FN1: variants seen among roughly 807,000 people sequenced by gnomAD.
The protein encoded by FN1 is fibronectin.
FN1 carries 106 observed loss-of-function variants against 297.3 expected under a neutral mutation model. The observed-to-expected ratio is 0.36, with a 90% CI of 0.30 to 0.42. The LOEUF (loss-of-function observed/expected upper bound fraction) is 0.42, where lower values mean the gene tolerates loss of function less well. Ranked by LOEUF, FN1 falls within the 10% of genes least tolerant of loss-of-function variation. FN1 has a pLI of 1.00. For synonymous variants in FN1, 1,149 were observed against 1,152.6 expected (o/e 1.00, Z 0.06); for missense variants, 2,690 against 3,124.9 (o/e 0.86, Z 3.32).
At chr2:215,430,929 A>T in intron 4 of FN1, 77 bp from the exon 5 acceptor site, 1 of 1,517,766 alleles carries the variant, frequency 6.6e-7, no homozygotes, top group Non-Finnish European at 9.1e-7. Flanking sequence ...TTTAAAGTGT[A>T]GTGTGTAAGC....
At chr2:215,426,926 A>G (rs1013791249) in intron 6 of FN1, among the ~76,000 whole-genome samples, 1 of 151,686 alleles carries the variant, frequency 6.6e-6, no homozygotes, top group Non-Finnish European at 1.5e-5. Flanking sequence ...CCCAGGCTGG[A>G]GTGCAGTGGT....
intron 12 of FN1, among the ~76,000 whole-genome samples, chr2:215,416,449 C>A (rs540935425): frequency 6.6e-6 from 1 of 152,120 alleles, no homozygotes; most frequent in Admixed American, 6.5e-5. Context: ...AATGTAAACA[C>A]ATTTTTAAAG....
chr2:215,372,066 T>C lies in FN1; in HGVS notation c.6557A>G (p.Asp2186Gly). The change falls in exon 40 of 46, where the codon GAC (aspartate) becomes GGC (glycine). Residue 2186 changes from aspartate to glycine, a missense_variant. Asp to Gly is a moderately conservative substitution (Grantham distance 94). Coordinates refer to ENST00000354785, the MANE Select transcript of FN1 (RefSeq NM_212482.4). ...QIGHIPREDVDYHLYPHGPGL... is the reference protein window; with the variant it reads ...QIGHIPREDVGYHLYPHGPGL... Reference sequence around the variant, plus strand: ...CGGACCGTGTGGGTACAGGTGATAGTCTACATCTTCCCTGGGGATGTGACC... The same window carrying C: ...CGGACCGTGTGGGTACAGGTGATAGCCTACATCTTCCCTGGGGATGTGACC... The C allele has an allele frequency of 1.2e-6, 2 of 1,614,200 alleles. No individual in the cohort carries two copies. The highest frequency in any genetic ancestry group is 1.7e-6 in the Non-Finnish European group (2 of 1,180,038).
Position 215,425,237 on chromosome 2 carries a change from G to T in FN1, c.893C>A (p.Pro298His). ...GCCATAGGGAGGAGGCTGGGGGTGAGGCTGCGGTTGGTAAACAGCTGCACG... is the reference window on the plus strand; with the variant it reads ...GCCATAGGGAGGAGGCTGGGGGTGATGCTGCGGTTGGTAAACAGCTGCACG... Reference protein sequence around the residue: ...DVRAAVYQPQPHPQPPPYGHC... With the variant: ...DVRAAVYQPQHHPQPPPYGHC... The change falls in exon 7 of 46, where the codon CCT becomes CAT. Residue 298 changes from proline (P) to histidine (H), a missense_variant. By Grantham distance (77) the Pro-to-His change is moderately conservative. This residue lies in a region of FN1 where 876 missense variants were observed against 1,058.1 expected (regional missense o/e 0.83). Transcript: ENST00000354785. 1 of 1,614,144 alleles carries T rather than the reference G, an allele frequency of 6.2e-7. No homozygotes were observed.
In FN1 at chr2:215,409,629, C is replaced by T. The variant is rs765671126; in HGVS notation, c.2233G>A (p.Asp745Asn). The T allele has an allele frequency of 5.6e-6, 9 of 1,614,052 alleles. No homozygotes were observed. Among genetic ancestry groups the T allele is most frequent in the East Asian group, 4.5e-5 (2 of 44,872 alleles). Residue 745 changes from aspartate to asparagine, a missense_variant, in exon 15 of 46, where the codon GAC becomes AAC. Asp to Asn is a conservative substitution (Grantham distance 23, BLOSUM62 1). Around this residue, in one of 3 missense-constraint regions of FN1, gnomAD observed 876 missense variants for 1,058.1 expected, o/e 0.83. Coordinates refer to ENST00000354785, the MANE Select transcript of FN1 (RefSeq NM_212482.4). ...TCCACCCGGAATCCCGACACGGTGT[C>T]GGAAGCTGAGACCCAGGAGACCACA... Reference protein sequence around the residue: ...SFVVSWVSASDTVSGFRVEYE... With the variant: ...SFVVSWVSASNTVSGFRVEYE...
chr2:215,371,967 T>G lies in FN1; in HGVS notation c.6656A>C (p.Asp2219Ala), dbSNP rs769711856. 1 of 1,614,218 alleles carries G rather than the reference T, an allele frequency of 6.2e-7. No homozygotes were observed. Among genetic ancestry groups the G allele is most frequent in the South Asian group, 1.1e-5 (1 of 91,082 alleles). Residue 2219 changes from aspartate to alanine, a missense_variant, in exon 40 of 46, where the codon GAC (aspartate) becomes GCC (alanine). By Grantham distance (126) the Asp-to-Ala change is moderately radical. Transcript: ENST00000354785. ...QTTISWAPFQ[D>A]TSEYIISCHP... ...ACATGAAATGATGTACTCAGAAGTGTCCTGGAATGGGGCCCATGAGATGGT... is the reference window on the plus strand; with the variant it reads ...ACATGAAATGATGTACTCAGAAGTGGCCTGGAATGGGGCCCATGAGATGGT...
At chr2:215,407,091 A>G in intron 18 of FN1, 36 bp downstream of exon 18, 1 of 1,510,946 alleles carries the variant, frequency 6.6e-7, no homozygotes, top group Non-Finnish European at 9.2e-7. Flanking sequence ...CAATCCTGAT[A>G]AGATAACATA....
At chr2:215,380,724 A>T (rs1559383086) in intron 33 of FN1, 87 bp downstream of exon 33, 2 of 1,448,462 alleles carry the variant, frequency 1.4e-6, no homozygotes, top group Non-Finnish European at 1.9e-6. Context: ...TTACACGGGA[A>T]TCAATAGCCC....
chr2:215,421,560 T>C (rs2064368254), intron 10 of FN1, among the ~76,000 whole-genome samples: 1 of 152,246 alleles, frequency 6.6e-6, no homozygotes, highest in South Asian at 2.1e-4. Context: ...TCCCGAAATA[T>C]TACTTTTCAT....
intron 38 of FN1, 118 bp downstream of exon 38, chr2:215,375,096 T>C: frequency 2.9e-6 from 3 of 1,048,502 alleles, no homozygotes; most frequent in Non-Finnish European, 3.0e-6. Flanking sequence ...TTTGAGGTTA[T>C]CAGGAACAGA....
chr2:215,383,895 C>G (rs1230777620), intron 30 of FN1, 125 bp downstream of exon 30: 2 of 1,035,872 alleles, frequency 1.9e-6, no homozygotes, highest in Non-Finnish European at 2.9e-6. Context: ...CAGGTGCTAG[C>G]TGCAGGTTGT....
chr2:215,401,198 A>AAAAAG (rs2060989870), intron 20 of FN1, among the ~76,000 whole-genome samples: 8 of 86,776 alleles, frequency 9.2e-5, no homozygotes, highest in African/African-American at 4.1e-4. Flanking sequence ...AGAAAGAAAG[A>AAAAAG]AAAGAAAGAA....
chr2:215,383,992 G>C (rs932664515), intron 30 of FN1, 28 bp downstream of exon 30: 7 of 1,610,242 alleles, frequency 4.3e-6, no homozygotes, highest in Non-Finnish European at 5.1e-6. Flanking sequence ...AGTAAAAGCT[G>C]GTGTCACCCC....
chr2:215,369,152 C>T (rs1450199855), intron 41 of FN1, among the ~76,000 whole-genome samples: 4 of 147,958 alleles, frequency 2.7e-5, no homozygotes, highest in African/African-American at 1.0e-4. Context: ...CTAGGGGTTT[C>T]TATACTCAAA....
intron 23 of FN1, among the ~76,000 whole-genome samples, chr2:215,395,569 G>A (rs1358777767): frequency 6.6e-6 from 1 of 151,602 alleles, no homozygotes; most frequent in Non-Finnish European, 1.5e-5. Context: ...AACAAAAAAA[G>A]AGAGTATTGA....
intron 23 of FN1, 36 bp from the exon 24 acceptor site, chr2:215,394,755 GGATCTGTGAGCCAGAGCATATTT>G: frequency 6.7e-7 from 1 of 1,493,142 alleles, no homozygotes; most frequent in Non-Finnish European, 9.3e-7. Context: ...ATTGCACAGA[GGATCTGTGAGCCAGAGCATATTT>G]AACTAGACTC....
At chr2:215,420,593 A>C (rs2064145826) in intron 11 of FN1, 80 bp downstream of exon 11, 1 of 1,570,592 alleles carries the variant, frequency 6.4e-7, no homozygotes, top group African/African-American at 1.3e-5. Context: ...CAGTCATGTG[A>C]TTTCACATAG....
At chr2:215,373,860 T>G (rs540882020) in intron 38 of FN1, among the ~76,000 whole-genome samples, 72 of 151,950 alleles carry the variant, frequency 4.7e-4, no homozygotes, top group African/African-American at 1.6e-3. Flanking sequence ...GTTTTTGTAT[T>G]TTTAGTAGAG....
At chr2:215,394,389 G>C (rs902887823) in intron 24 of FN1, 139 bp downstream of exon 24, 12 of 786,462 alleles carry the variant, frequency 1.5e-5, no homozygotes, top group African/African-American at 3.4e-5. Flanking sequence ...TTGACTTCTT[G>C]GTTTTGGAAA....
Sources: gnomAD v4.1 joint callset for allele counts (sites outside exome capture counted in the v4.1 genomes callset) on GRCh38, gnomAD v4.1.1 for gene constraint, gnomAD v4.1.1 regional missense constraint, MANE v1.5 for transcripts, NCBI Gene and HGNC (gene_info 2026-07-23, HGNC 2026-07-21) for gene names.